CSMD1: variants seen among roughly 807,000 people sequenced by gnomAD.
CSMD1 encodes CUB and sushi domain-containing protein 1.
A neutral mutation model predicts 417.5 loss-of-function variants in CSMD1; 213 were observed. The observed-to-expected ratio is 0.51, with a 90% CI of 0.46 to 0.57. The LOEUF (loss-of-function observed/expected upper bound fraction) is 0.57, where lower values mean the gene tolerates loss of function less well. CSMD1 is among the 20% of genes least tolerant of loss of function. The probability of loss-of-function intolerance (pLI) is 0.00; values close to 1 mark genes in which losing one functional copy is unlikely to be tolerated. For missense variants in CSMD1, 6,923 were observed against 4,529.7 expected, an observed-to-expected ratio of 1.53 and a Z score of -15.17; for synonymous variants, 2,862 against 1,736.8, an observed-to-expected ratio of 1.65 and a Z score of -16.11.
chr8:3,034,113 G>A (rs1284905669), intron 50 of CSMD1, among the ~76,000 whole-genome samples: 1 of 152,178 alleles, frequency 6.6e-6, no homozygotes, highest in Non-Finnish European at 1.5e-5. Flanking sequence ...GGATTTGAAG[G>A]CTGCCTGATT....
chr8:4,267,379 A>G (rs1235157048), intron 3 of CSMD1, among the ~76,000 whole-genome samples: 2 of 47,274 alleles, frequency 4.2e-5, no homozygotes, highest in Non-Finnish European at 1.0e-4. Context: ...GAGTCTTAGG[A>G]TTAACTATGA....
chr8:4,131,474 G>C (rs1012540836), intron 3 of CSMD1, among the ~76,000 whole-genome samples: 3 of 152,064 alleles, frequency 2.0e-5, no homozygotes, highest in Non-Finnish European at 4.4e-5. Flanking sequence ...AAAAATAAAA[G>C]TTTGAAACCA....
chr8:3,645,487 G>A (rs7830816), intron 7 of CSMD1, among the ~76,000 whole-genome samples: 17,048 of 152,202 alleles, frequency 0.11, 1,078 homozygotes, highest in African/African-American at 0.16. Context: ...ATGGGACAGT[G>A]GAAGAAATGG....
intron 1 of CSMD1, among the ~76,000 whole-genome samples, chr8:4,975,468 C>A (rs1584941577): frequency 6.6e-6 from 1 of 152,270 alleles, no homozygotes; most frequent in South Asian, 2.1e-4. Context: ...CTGATAGCCA[C>A]TAAAAACAGA....
chr8:3,087,220 C>T lies in CSMD1; in HGVS notation c.7351G>A (p.Val2451Ile). 6.2e-7 allele frequency: 1 copy of T among 1,613,936 alleles called. No individual in the cohort carries two copies. Among genetic ancestry groups the T allele is most frequent in the Non-Finnish European group, 8.5e-7 (1 of 1,179,864 alleles). ...GGILNRTAGA[V>I]GSKVHYFCKP... ...CAAAAATAATGCACTTTGCTTCCAA[C>T]CGCTCCTGCAGTCCTGTTTAGAATA... Residue 2451 changes from valine to isoleucine, a missense_variant, in exon 49 of 70, where the codon GTT (valine) becomes ATT (isoleucine). By Grantham distance (29) the Val-to-Ile change is conservative. Coordinates refer to ENST00000635120, the MANE Select transcript of CSMD1 (RefSeq NM_033225.6).
chr8:4,443,007 A>G (rs554178679), intron 2 of CSMD1, among the ~76,000 whole-genome samples: 2 of 152,268 alleles, frequency 1.3e-5, no homozygotes, highest in South Asian at 4.1e-4. Flanking sequence ...CCATCTCCCA[A>G]AAACACTGTC....
intron 1 of CSMD1, among the ~76,000 whole-genome samples, chr8:4,726,771 T>A (rs1219310648): frequency 6.6e-6 from 1 of 152,250 alleles, no homozygotes; most frequent in Non-Finnish European, 1.5e-5. Flanking sequence ...CTTTCCTATG[T>A]TCTGGCTTGT....
chr8:3,646,239 A>G (rs1295083976), intron 7 of CSMD1, among the ~76,000 whole-genome samples: 1 of 152,184 alleles, frequency 6.6e-6, no homozygotes, highest in Non-Finnish European at 1.5e-5. Context: ...GTACATAGAA[A>G]AAGAAACGTG....
At chr8:3,160,845 C>A (rs571894636) in intron 38 of CSMD1, among the ~76,000 whole-genome samples, 7 of 152,306 alleles carry the variant, frequency 4.6e-5, no homozygotes, top group African/African-American at 1.4e-4. Flanking sequence ...TGGTAATGCA[C>A]CCCTTTAGCA....
chr8:3,885,531 A>T (rs149281149), intron 5 of CSMD1, among the ~76,000 whole-genome samples: 150 of 152,322 alleles, frequency 9.8e-4, no homozygotes, highest in African/African-American at 3.3e-3. Flanking sequence ...GTCTCAGAAT[A>T]CTAGGGAAAA....
At chr8:3,070,838 C>G (rs549358943) in intron 49 of CSMD1, among the ~76,000 whole-genome samples, 2 of 152,190 alleles carry the variant, frequency 1.3e-5, no homozygotes, top group Non-Finnish European at 2.9e-5. Context: ...TCCTTGGTAC[C>G]AATTTTCTGT....
intron 3 of CSMD1, among the ~76,000 whole-genome samples, chr8:4,155,428 G>C (rs912302350): frequency 6.6e-6 from 1 of 152,126 alleles, no homozygotes; most frequent in Non-Finnish European, 1.5e-5. Flanking sequence ...GCCTCTGTTT[G>C]GCAGGAACCT....
At chr8:3,721,583 T>A (rs900270125) in intron 6 of CSMD1, among the ~76,000 whole-genome samples, 1 of 152,232 alleles carries the variant, frequency 6.6e-6, no homozygotes, top group Admixed American at 6.5e-5. Context: ...TATTTCAGGT[T>A]CAAACTTATT....
At chr8:4,191,646 G>T (rs1219103616) in intron 3 of CSMD1, among the ~76,000 whole-genome samples, 2 of 147,904 alleles carry the variant, frequency 1.4e-5, no homozygotes, top group Non-Finnish European at 3.0e-5. Context: ...GAAAGAAAAT[G>T]AAAAGCCATA....
At position 4,446,749 on chromosome 8, in the gene CSMD1, GTGTGT is replaced by G. The variant is rs1563183247; in HGVS notation, c.303-26689_303-26685del. On this transcript the variant is annotated intron_variant, in intron 2 of 69. Coordinates refer to ENST00000635120, the MANE Select transcript of CSMD1 (RefSeq NM_033225.6). ...TGTGTGTGTCTGTGTGTGTGTGTGT[GTGTGT>G]CTGTGTGTGTGTGTGTGTGTGTGTG... Among the ~76,000 whole-genome samples the G allele has an allele frequency of 7.1e-4, 76 of 106,954 alleles. 1 individual carries two copies. The South Asian group carries it at 0.023, about 33-fold the overall frequency. The allele number at this position is 106,954 out of a possible 152,430, so 70.2% of individuals were successfully genotyped here.
chr8:3,831,945 G>C (rs1286109861), intron 5 of CSMD1, among the ~76,000 whole-genome samples: 2 of 152,078 alleles, frequency 1.3e-5, no homozygotes, highest in African/African-American at 4.8e-5. Flanking sequence ...GTCCTGGAAA[G>C]TTTGCAGAGT....
intron 3 of CSMD1, among the ~76,000 whole-genome samples, chr8:4,285,583 G>A (rs1188413383): frequency 6.6e-6 from 1 of 152,172 alleles, no homozygotes; most frequent in Non-Finnish European, 1.5e-5. Flanking sequence ...GCTGATTTTG[G>A]ACCAGGCAGC....
At chr8:3,524,638 GAC>G (rs550355822) in intron 10 of CSMD1, among the ~76,000 whole-genome samples, 3 of 146,736 alleles carry the variant, frequency 2.0e-5, no homozygotes, top group Admixed American at 6.8e-5. Flanking sequence ...CACCCAGAGA[GAC>G]ATGTGCACAC....
At chr8:3,957,660 G>C (rs984548355) in intron 5 of CSMD1, among the ~76,000 whole-genome samples, 2 of 151,846 alleles carry the variant, frequency 1.3e-5, no homozygotes, top group Non-Finnish European at 2.9e-5. Flanking sequence ...CTCCAGCCTG[G>C]GCTATTAACA....
Sources: allele counts gnomAD v4.1 joint callset (sites outside exome capture counted in the v4.1 genomes callset), GRCh38; gene constraint gnomAD v4.1.1; transcripts MANE v1.5; gene names NCBI Gene and HGNC (gene_info 2026-07-23, HGNC 2026-07-21).